Variants in LRBA observed in about 807,000 individuals in gnomAD.
LRBA encodes the protein LPS responsive beige-like anchor protein.
Under a neutral mutation model 330.0 loss-of-function variants are expected in LRBA, and 176 were observed. The ratio of observed to expected loss-of-function variants is 0.53; its 90% CI spans 0.47 to 0.60. The LOEUF is 0.60. LRBA is among the 20% of genes least tolerant of loss of function. The pLI is 0.00. For missense variants in LRBA, 3,259 were observed against 3,444.8 expected, an observed-to-expected ratio of 0.95 and a Z score of 1.35; for synonymous variants, 1,230 against 1,193.0, an observed-to-expected ratio of 1.03 and a Z score of -0.64.
At chr4:150,660,917 G>A (rs1781010884) in intron 37 of LRBA, among the ~76,000 whole-genome samples, 1 of 117,196 alleles carries the variant, frequency 8.5e-6, no homozygotes, top group African/African-American at 3.3e-5. Context: ...AAGTAATCAG[G>A]GACACAAACA....
At chr4:150,855,602 C>T (rs1379000396) in intron 22 of LRBA, among the ~76,000 whole-genome samples, 2 of 151,910 alleles carry the variant, frequency 1.3e-5, no homozygotes. Flanking sequence ...AGAAGTAAAA[C>T]GTTACCAGTA....
At position 150,916,445 on chromosome 4, in the gene LRBA, T is replaced by C; in HGVS notation, c.850A>G (p.Lys284Glu). 1 of 1,613,796 alleles carries C rather than the reference T, an allele frequency of 6.2e-7. No individual in the cohort carries two copies. The highest frequency in any genetic ancestry group is 8.5e-7 in the Non-Finnish European group (1 of 1,179,844). The part of the protein sequence containing the change: ...LIVTSIKSKG[K>E]GFQHCVKFDF... ...AATTTCACACAGTGTTGAAAGCCTT[T>C]TCCTTTTGACTTTATTGATGTTACA... The change falls in exon 7 of 57, where the codon AAA becomes GAA. Residue 284 changes from lysine to glutamate, a missense_variant. Physicochemically the swap from Lys to Glu is moderately conservative, Grantham distance 56. Transcript: ENST00000651943.
chr4:150,573,776 G>A (rs1770182981), intron 40 of LRBA, among the ~76,000 whole-genome samples: 1 of 152,156 alleles, frequency 6.6e-6, no homozygotes, highest in Admixed American at 6.6e-5. Context: ...ATGCTTGTCA[G>A]ATCTTCTGAT....
intron 46 of LRBA, among the ~76,000 whole-genome samples, chr4:150,433,190 A>C (rs2151987882): frequency 6.6e-6 from 1 of 152,338 alleles, no homozygotes; most frequent in Non-Finnish European, 1.5e-5. Flanking sequence ...AAGAATAATA[A>C]GAAAAATAAG....
chr4:150,852,073 T>TC lies in LRBA; in HGVS notation c.3636dup (p.Lys1213GlufsTer5). 1 of 1,614,160 alleles carries TC rather than the reference T, an allele frequency of 6.2e-7. No homozygotes were observed. On this transcript the variant is annotated frameshift_variant, in exon 23 of 57. Transcript: ENST00000651943. LOFTEE classifies it high-confidence loss of function. ...TCTCTAGTGAGGTTAGTTGCTTTCT[T>TC]CCCTTCCTCCAGCATCTGACCAAGG...
Position 150,808,310 on chromosome 4 carries a change from G to T in LRBA, c.5384+10C>A, listed in dbSNP as rs372667151. 5.7e-6 allele frequency: 9 copies of T among 1,590,034 alleles called. No homozygotes were observed. In the African/African-American group the frequency reaches 1.1e-4, roughly 19 times the overall value. ...ATAAATCACAATATTCAAGTTAGTA[G>T]CTTAAATACCTCATATTTGAAACCG... On this transcript the variant is annotated intron_variant, in intron 32 of 56. Transcript: ENST00000651943.
chr4:150,685,420 A>ATTT (rs70941424), intron 36 of LRBA, among the ~76,000 whole-genome samples: 7 of 17,440 alleles, frequency 4.0e-4, no homozygotes, highest in Admixed American at 1.3e-3. Context: ...ATATATATAT[A>ATTT]TTTTTTTTTT....
chr4:150,490,897 C>G (rs75363772), intron 41 of LRBA, 21 bp downstream of exon 41: 1 of 1,388,468 alleles, frequency 7.2e-7, no homozygotes. Context: ...TCTGTAACAA[C>G]GTATTTCTGT....
chr4:150,556,098 C>T (rs1042143778), intron 40 of LRBA, among the ~76,000 whole-genome samples: 1 of 151,882 alleles, frequency 6.6e-6, no homozygotes, highest in African/African-American at 2.4e-5. Context: ...CCACTGTGCT[C>T]AGCCTAGAAT....
At chr4:150,901,828 T>C (rs1730762831) in intron 13 of LRBA, among the ~76,000 whole-genome samples, 2 of 152,220 alleles carry the variant, frequency 1.3e-5, no homozygotes, top group African/African-American at 4.8e-5. Context: ...GTTATTTTGA[T>C]GTAGCTACTG....
intron 2 of LRBA, among the ~76,000 whole-genome samples, chr4:150,979,448 T>C (rs920678923): frequency 6.6e-6 from 1 of 152,006 alleles, no homozygotes; most frequent in African/African-American, 2.4e-5. Flanking sequence ...AAAGAAATCA[T>C]CTGAAAGTAC....
At chr4:150,600,102 A>G (rs1773966842) in intron 37 of LRBA, among the ~76,000 whole-genome samples, 1 of 152,050 alleles carries the variant, frequency 6.6e-6, no homozygotes, top group Non-Finnish European at 1.5e-5. Context: ...TGCTGGAAAA[A>G]TATTTTATAA....
In LRBA at chr4:150,310,230, T is replaced by C. The variant is rs745573414; in HGVS notation, c.7848A>G (p.Thr2616=). 1 of 1,607,308 alleles carries C rather than the reference T, an allele frequency of 6.2e-7. No individual in the cohort carries two copies. Among genetic ancestry groups the C allele is most frequent in the Non-Finnish European group, 8.5e-7 (1 of 1,174,716 alleles). ...DKSFRVYSTD[T]GRLIQVVFGH... is the part of the protein sequence containing the mutation. The stretch of plus-strand genomic sequence containing the variant: ...ACTGATAAAGAAAATGAAAATTACC[T>C]GTGTCTGTAGAATAGACTCTGAAAC... Residue 2616 remains threonine (T), a splice_region_variant and synonymous_variant, in exon 52 of 57, where the codon ACA becomes ACG. Coordinates refer to ENST00000651943, the MANE Select transcript of LRBA (RefSeq NM_001364905.1).
intron 40 of LRBA, among the ~76,000 whole-genome samples, chr4:150,531,804 A>T (rs993030840): frequency 6.6e-6 from 1 of 152,248 alleles, no homozygotes; most frequent in Non-Finnish European, 1.5e-5. Context: ...ACTGTAACTG[A>T]TGTCCAAACA....
intron 34 of LRBA, among the ~76,000 whole-genome samples, chr4:150,782,276 CAG>C (rs1240588645): frequency 6.6e-6 from 1 of 152,332 alleles, no homozygotes; most frequent in East Asian, 1.9e-4. Context: ...TAAGAATACT[CAG>C]AGACTTTCAA....
At chr4:150,269,275 G>A (rs1184122344) in intron 56 of LRBA, among the ~76,000 whole-genome samples, 4 of 152,184 alleles carry the variant, frequency 2.6e-5, no homozygotes, top group African/African-American at 9.7e-5. Context: ...CAATGCGACA[G>A]TAATCAAAAC....
intron 37 of LRBA, among the ~76,000 whole-genome samples, chr4:150,635,615 A>C (rs1394542777): frequency 1.3e-5 from 2 of 152,160 alleles, no homozygotes; most frequent in Admixed American, 6.5e-5. Flanking sequence ...TTTATTTTGA[A>C]AATGTTTCAA....
At chr4:150,352,651 A>G (rs1737336604) in intron 47 of LRBA, among the ~76,000 whole-genome samples, 1 of 152,218 alleles carries the variant, frequency 6.6e-6, no homozygotes, top group Non-Finnish European at 1.5e-5. Context: ...GTAAATGCCT[A>G]TTTTAAGTAC....
intron 36 of LRBA, among the ~76,000 whole-genome samples, chr4:150,693,907 A>G (rs188777189): frequency 6.6e-6 from 1 of 152,316 alleles, no homozygotes; most frequent in Non-Finnish European, 1.5e-5. Context: ...AATAAACTAC[A>G]CACAATTTTA....
Sources: allele counts gnomAD v4.1 joint callset (sites outside exome capture counted in the v4.1 genomes callset), GRCh38; gene constraint gnomAD v4.1.1; transcripts MANE v1.5; gene names NCBI Gene and HGNC (gene_info 2026-07-23, HGNC 2026-07-21).